REDIC1: variants seen among roughly 807,000 people sequenced by gnomAD.
REDIC1 encodes regulator of DNA class I crossover intermediates 1.
the REDIC1 span, among the ~76,000 whole-genome samples, chr12:39,879,335 A>G: frequency 1.3e-5 from 2 of 152,216 alleles, no homozygotes; most frequent in African/African-American, 4.8e-5. Context: ...TCTAGACCCC[A>G]GAATGGTAGA....
At chr12:39,764,553 T>C in the REDIC1 span, 1 of 1,611,690 alleles carries the variant, frequency 6.2e-7, no homozygotes, top group Non-Finnish European at 8.5e-7. Context: ...GCATTTCCTG[T>C]ACTTCTTGCC....
the REDIC1 span, chr12:39,640,884 A>G: frequency 9.3e-7 from 1 of 1,079,922 alleles, no homozygotes; most frequent in South Asian, 1.5e-5. Flanking sequence ...TCTTCAATTA[A>G]GCTAAACTGG....
chr12:39,726,701 A>T, the REDIC1 span, among the ~76,000 whole-genome samples: 1 of 152,190 alleles, frequency 6.6e-6, no homozygotes, highest in African/African-American at 2.4e-5. Context: ...GCTGGGTCAA[A>T]TGATATTTCT....
the REDIC1 span, among the ~76,000 whole-genome samples, chr12:39,719,235 A>G: frequency 6.6e-6 from 1 of 152,156 alleles, no homozygotes; most frequent in Non-Finnish European, 1.5e-5. Context: ...CCTGAAAGAA[A>G]AGAGCAAATA....
chr12:39,716,780 G>A, the REDIC1 span: 149 of 1,601,624 alleles, frequency 9.3e-5, no homozygotes, highest in South Asian at 9.2e-4. Context: ...CAGAGTAGTC[G>A]GTCTACTAGT....
the REDIC1 span, among the ~76,000 whole-genome samples, chr12:39,843,450 T>A: frequency 6.6e-6 from 1 of 152,022 alleles, no homozygotes; most frequent in Non-Finnish European, 1.5e-5. Context: ...TAATAGGGAA[T>A]CTTGGCCCCA....
chr12:39,872,334 T>G, the REDIC1 span, among the ~76,000 whole-genome samples: 1 of 152,170 alleles, frequency 6.6e-6, no homozygotes, highest in African/African-American at 2.4e-5. Flanking sequence ...ATGGAATGAA[T>G]CAGAAGTCAT....
At chr12:39,737,822 G>C in the REDIC1 span, among the ~76,000 whole-genome samples, 1 of 152,142 alleles carries the variant, frequency 6.6e-6, no homozygotes, top group African/African-American at 2.4e-5. Flanking sequence ...TATTTTATTG[G>C]ATATTTGGCC....
At chr12:39,773,222 G>A in the REDIC1 span, among the ~76,000 whole-genome samples, 2 of 152,084 alleles carry the variant, frequency 1.3e-5, no homozygotes, top group Admixed American at 1.3e-4. Context: ...CTGCAATAAT[G>A]GGAAGCTGCT....
the REDIC1 span, among the ~76,000 whole-genome samples, chr12:39,842,810 A>G: frequency 6.6e-6 from 1 of 151,282 alleles, no homozygotes; most frequent in Non-Finnish European, 1.5e-5. Flanking sequence ...CCACGAATCT[A>G]CTCTTTGTCT....
the REDIC1 span, among the ~76,000 whole-genome samples, chr12:39,892,323 C>G: frequency 2.0e-5 from 3 of 152,142 alleles, no homozygotes; most frequent in Admixed American, 2.0e-4. Context: ...AACAGCTGAG[C>G]TGACTTGTGT....
At chr12:39,750,226 G>C in the REDIC1 span, among the ~76,000 whole-genome samples, 2 of 152,270 alleles carry the variant, frequency 1.3e-5, no homozygotes, top group African/African-American at 4.8e-5. Context: ...AAAGTCTCAG[G>C]ATACAAAATC....
chr12:39,712,136 A>ATG, the REDIC1 span, among the ~76,000 whole-genome samples: 1 of 143,300 alleles, frequency 7.0e-6, no homozygotes, highest in Non-Finnish European at 1.5e-5. Flanking sequence ...CTGTATGTAC[A>ATG]TATACATACA....
At chr12:39,662,558 A>G in the REDIC1 span, among the ~76,000 whole-genome samples, 1 of 151,938 alleles carries the variant, frequency 6.6e-6, no homozygotes, top group Non-Finnish European at 1.5e-5. Context: ...TCTAAATATA[A>G]GATCATGTCA....
the REDIC1 span, among the ~76,000 whole-genome samples, chr12:39,657,281 C>T: frequency 6.6e-6 from 1 of 152,082 alleles, no homozygotes; most frequent in South Asian, 2.1e-4. Context: ...GTACTGTAGG[C>T]AATACTGTAC....
chr12:39,726,151 C>T, the REDIC1 span, among the ~76,000 whole-genome samples: 4 of 151,634 alleles, frequency 2.6e-5, no homozygotes, highest in Non-Finnish European at 5.9e-5. Flanking sequence ...TCCTCTTCCT[C>T]CTCTTCTTCT....
At chr12:39,899,365 CTCTCT>C in the REDIC1 span, among the ~76,000 whole-genome samples, 1 of 151,980 alleles carries the variant, frequency 6.6e-6, no homozygotes, top group Non-Finnish European at 1.5e-5. Context: ...TTTGATTCTC[CTCTCT>C]TTTCTTCTTT....
At chr12:39,852,312 A>G in the REDIC1 span, among the ~76,000 whole-genome samples, 3 of 152,224 alleles carry the variant, frequency 2.0e-5, no homozygotes, top group Admixed American at 2.0e-4. Flanking sequence ...AAAGTTGTCT[A>G]AACACTGCCA....
chr12:39,865,652 T>C, the REDIC1 span, among the ~76,000 whole-genome samples: 1,140 of 152,228 alleles, frequency 7.5e-3, 10 homozygotes, highest in African/African-American at 0.026. Flanking sequence ...AAAAGGGTCA[T>C]GGGAAGAATG....
Sources: gnomAD v4.1 joint callset for allele counts (sites outside exome capture counted in the v4.1 genomes callset) on GRCh38, gnomAD v4.1.1 for gene constraint, MANE v1.5 for transcripts, NCBI Gene and HGNC (gene_info 2026-07-23, HGNC 2026-07-21) for gene names.